Variants in PTPRG observed in about 807,000 individuals in gnomAD.
The protein encoded by PTPRG is receptor-type tyrosine-protein phosphatase gamma.
PTPRG carries 102 observed loss-of-function variants against 165.3 expected under a neutral mutation model. The ratio of observed to expected loss-of-function variants is 0.62; its 90% CI spans 0.53 to 0.73. The LOEUF (loss-of-function observed/expected upper bound fraction) is 0.73. Among genes scored for constraint, PTPRG ranks in the 30% least tolerant of loss-of-function variants. PTPRG has a pLI of 0.00. For missense variants in PTPRG, 1,866 were observed against 1,861.4 expected, an observed-to-expected ratio of 1.00 and a Z score of -0.05; for synonymous variants, 675 against 669.5, an observed-to-expected ratio of 1.01 and a Z score of -0.13.
At chr3:61,775,135 A>G (rs1411825267) in intron 2 of PTPRG, among the ~76,000 whole-genome samples, 1 of 152,128 alleles carries the variant, frequency 6.6e-6, no homozygotes, top group African/African-American at 2.4e-5. Flanking sequence ...CAGCGGCACA[A>G]TCTTGGCTCG....
At chr3:62,235,505 C>A (rs1278805365) in intron 14 of PTPRG, among the ~76,000 whole-genome samples, 1 of 152,188 alleles carries the variant, frequency 6.6e-6, no homozygotes, top group Non-Finnish European at 1.5e-5. Context: ...GAAAGTATTA[C>A]CAGTACTTCA....
At chr3:62,081,389 C>T (rs1413391692) in intron 5 of PTPRG, among the ~76,000 whole-genome samples, 4 of 152,180 alleles carry the variant, frequency 2.6e-5, no homozygotes, top group African/African-American at 7.2e-5. Context: ...GTTGCCCAGG[C>T]GGAAGTGTAG....
chr3:61,923,751 G>A (rs2039140397), intron 2 of PTPRG, among the ~76,000 whole-genome samples: 1 of 113,250 alleles, frequency 8.8e-6, no homozygotes, highest in Admixed American at 1.1e-4. Flanking sequence ...GGCTGGTCTT[G>A]AACTGTTGGG....
At chr3:61,971,040 T>G (rs1413651013) in intron 2 of PTPRG, among the ~76,000 whole-genome samples, 2 of 152,184 alleles carry the variant, frequency 1.3e-5, no homozygotes, top group East Asian at 3.8e-4. Context: ...GTGATGGTAG[T>G]AGTATCAGGG....
At chr3:62,121,804 T>C (rs1278692591) in intron 5 of PTPRG, among the ~76,000 whole-genome samples, 1 of 152,200 alleles carries the variant, frequency 6.6e-6, no homozygotes, top group African/African-American at 2.4e-5. Context: ...AGAAATCATA[T>C]TATTTTCTCA....
At chr3:62,149,542 A>G (rs187180443) in intron 6 of PTPRG, among the ~76,000 whole-genome samples, 50 of 152,274 alleles carry the variant, frequency 3.3e-4, no homozygotes, top group African/African-American at 1.1e-3. Context: ...AGTACTGGGA[A>G]TACAGGCATG....
intron 8 of PTPRG, among the ~76,000 whole-genome samples, chr3:62,176,934 G>A (rs1559606824): frequency 6.6e-6 from 1 of 152,062 alleles, no homozygotes. Flanking sequence ...CCTTGCTCAA[G>A]CTAATATCTA....
At chr3:61,709,603 C>T (rs937499240) in intron 1 of PTPRG, among the ~76,000 whole-genome samples, 2 of 152,180 alleles carry the variant, frequency 1.3e-5, no homozygotes, top group Non-Finnish European at 2.9e-5. Flanking sequence ...GTGTGAGCCA[C>T]CGTTCCCCGC....
Position 61,664,294 on chromosome 3 carries a change from C to T in PTPRG, c.86-84584C>T, listed in dbSNP as rs116711056. On this transcript the variant is annotated intron_variant, in intron 1 of 29. Coordinates refer to ENST00000474889, the MANE Select transcript of PTPRG (RefSeq NM_002841.4). ...CATTACAGTTGTGAGTCATAGTTAC[C>T]CAGCAGGAAGCCACATTCCTGGGAC... 3.7e-3 allele frequency among the ~76,000 whole-genome samples: 563 copies of T among 152,218 alleles called. 3 individuals are homozygous for T. Among genetic ancestry groups the T allele is most frequent in the African/African-American group, 0.013 (532 of 41,536 alleles).
intron 2 of PTPRG, among the ~76,000 whole-genome samples, chr3:61,890,680 A>G (rs956855423): frequency 2.0e-5 from 3 of 152,112 alleles, no homozygotes; most frequent in African/African-American, 7.2e-5. Flanking sequence ...AAGAGTTTTC[A>G]GTGTAAAAAT....
chr3:62,123,533 T>C (rs1703160550), intron 5 of PTPRG, among the ~76,000 whole-genome samples: 1 of 152,162 alleles, frequency 6.6e-6, no homozygotes, highest in Non-Finnish European at 1.5e-5. Context: ...AAAGCACTGG[T>C]CCTCTGAAAT....
intron 2 of PTPRG, among the ~76,000 whole-genome samples, chr3:61,766,610 A>T (rs895309144): frequency 2.2e-5 from 1 of 45,784 alleles, no homozygotes; most frequent in Admixed American, 2.4e-4. Context: ...TATTAATGTT[A>T]AAAAAAATTT....
At chr3:62,043,981 A>T (rs1035231146) in intron 4 of PTPRG, among the ~76,000 whole-genome samples, 1 of 152,184 alleles carries the variant, frequency 6.6e-6, no homozygotes, top group African/African-American at 2.4e-5. Flanking sequence ...GAAAATTTTC[A>T]ATTTTCTCTG....
intron 2 of PTPRG, among the ~76,000 whole-genome samples, chr3:61,987,135 C>A (rs1310842731): frequency 6.6e-6 from 1 of 152,130 alleles, no homozygotes; most frequent in Non-Finnish European, 1.5e-5. Context: ...AAAAAGTGTT[C>A]TATTTCCTCT....
chr3:61,914,120 CA>C (rs2038872521), intron 2 of PTPRG, among the ~76,000 whole-genome samples: 1 of 152,180 alleles, frequency 6.6e-6, no homozygotes, highest in Non-Finnish European at 1.5e-5. Context: ...CTCTCATCTA[CA>C]GTTCAGTGGT....
In PTPRG at chr3:62,281,551, T is replaced by TTTTTTTTG; in HGVS notation, c.3766-12_3766-11insTTTTTTTG. On this transcript the variant is annotated splice_polypyrimidine_tract_variant and intron_variant, in intron 26 of 29. Transcript: ENST00000474889. ...GAACTGCAGAGGCTTTTTTTTTTTT[T>TTTTTTTTG]GGATTCCAAAGGCAGAAGATGAGTT... 1.4e-6 allele frequency: 2 copies of TTTTTTTTG among 1,466,124 alleles called. No homozygotes were observed. The highest frequency in any genetic ancestry group is 2.7e-5 in the South Asian group (2 of 73,040). 90.8% of individuals were successfully genotyped at this position (1,466,124 alleles called of 1,614,324 possible).
rs35299199 is a variant in PTPRG at position 61,567,665 on chromosome 3, CAAAAA to C, written c.85+5307_85+5311del. 3.1e-4 allele frequency among the ~76,000 whole-genome samples: 34 copies of C among 111,464 alleles called. 1 individual carries two copies. In the South Asian group the frequency reaches 0.011, roughly 37 times the overall value. The allele number at this position is 111,464 out of a possible 152,430, so 73.1% of individuals were successfully genotyped here. ...TGAGTGACACAGTGAGACCCTGTCT[CAAAAA>C]AAAAAAAAAAAAATTAAAAGATCAA... is the stretch of plus-strand genomic sequence containing the variant. On this transcript the variant is annotated intron_variant, in intron 1 of 29. Transcript: ENST00000474889.
intron 1 of PTPRG, among the ~76,000 whole-genome samples, chr3:61,643,355 C>T (rs535194640): frequency 5.9e-5 from 9 of 152,092 alleles, no homozygotes; most frequent in African/African-American, 2.2e-4. Flanking sequence ...TTATTTAGAT[C>T]CCAATTCAAA....
intron 2 of PTPRG, among the ~76,000 whole-genome samples, chr3:61,823,936 C>G (rs2036031216): frequency 6.6e-6 from 1 of 152,070 alleles, no homozygotes; most frequent in Non-Finnish European, 1.5e-5. Flanking sequence ...ACCATCCTGG[C>G]TAACACAGGG....
Sources: gnomAD v4.1 joint callset for allele counts (sites outside exome capture counted in the v4.1 genomes callset) on GRCh38, gnomAD v4.1.1 for gene constraint, MANE v1.5 for transcripts, NCBI Gene and HGNC (gene_info 2026-07-23, HGNC 2026-07-21) for gene names.